The following PSMB1 variants were observed in gnomAD, a reference collection of about 807,000 sequenced individuals.
PSMB1 encodes the protein proteasome subunit beta type-1.
Under a neutral mutation model 25.4 loss-of-function variants are expected in PSMB1, and 7 were observed. The observed-to-expected ratio is 0.28, with a 90% confidence interval of 0.16 to 0.52. The LOEUF (loss-of-function observed/expected upper bound fraction) is 0.52, where lower values mean the gene tolerates loss of function less well. Among genes scored for constraint, PSMB1 ranks in the 20% least tolerant of loss-of-function variants. PSMB1 has a pLI of 0.97. For missense variants in PSMB1, 284 were observed against 302.2 expected, an observed-to-expected ratio of 0.94 and a Z score of 0.45; for synonymous variants, 119 against 115.0, an observed-to-expected ratio of 1.03 and a Z score of -0.22.
chr6:170,541,661 T>C (rs943220426), intron 4 of PSMB1, among the ~76,000 whole-genome samples: 11 of 152,308 alleles, frequency 7.2e-5, no homozygotes, highest in Non-Finnish European at 1.2e-4. Flanking sequence ...AATTCCTCTA[T>C]AAAATAAAAA....
chr6:170,536,540 C>T, intron 5 of PSMB1: 1 of 454,484 alleles, frequency 2.2e-6, no homozygotes, highest in Non-Finnish European at 4.4e-6. Context: ...TTGTCCACCA[C>T]TCCAGACAGA....
At chr6:170,536,159 CTG>C (rs1387167527) in intron 5 of PSMB1, 10 of 315,302 alleles carry the variant, frequency 3.2e-5, no homozygotes, top group Non-Finnish European at 6.3e-5. Flanking sequence ...AGTAAACACA[CTG>C]AGAAGTTTTT....
rs370933887 is a variant in PSMB1 at position 170,549,058 on chromosome 6, A to G, written c.169T>C (p.Leu57=). ...DFAIVASDTR[L]SEGFSIHTRD... ...GTATGAATTGAAAACCCTTCACTCAATCGAGTATCAGAAGCAACAATTGCA... is the reference window on the plus strand; with the variant it reads ...GTATGAATTGAAAACCCTTCACTCAGTCGAGTATCAGAAGCAACAATTGCA... Residue 57 remains leucine (L), a synonymous_variant, in exon 2 of 6, where the codon TTG becomes CTG. Transcript: ENST00000262193. 3 of 1,613,978 alleles carry G rather than the reference A, an allele frequency of 1.9e-6. No homozygotes were observed. Among genetic ancestry groups the G allele is most frequent in the Non-Finnish European group, 2.5e-6 (3 of 1,179,908 alleles).
At chr6:170,548,227 AGGAGG>A (rs1778846738) in intron 2 of PSMB1, among the ~76,000 whole-genome samples, 1 of 152,228 alleles carries the variant, frequency 6.6e-6, no homozygotes, top group Admixed American at 6.5e-5. Context: ...CTACAATACA[AGGAGG>A]GTCCATCCAA....
At chr6:170,543,973 G>A (rs1778786318) in intron 3 of PSMB1, among the ~76,000 whole-genome samples, 1 of 152,120 alleles carries the variant, frequency 6.6e-6, no homozygotes, top group Non-Finnish European at 1.5e-5. Context: ...CTCAGGTACT[G>A]CTAATCCAAG....
chr6:170,537,414 T>A, intron 4 of PSMB1, 74 bp from the exon 5 acceptor site: 2 of 1,227,864 alleles, frequency 1.6e-6, no homozygotes, highest in East Asian at 4.8e-5. Context: ...ATAAATCAGG[T>A]CAAAACGTGA....
In PSMB1 at chr6:170,537,238, T is replaced by C. The variant is rs1484485932; in HGVS notation, c.536A>G (p.Asn179Ser). ...ASAMLQPLLD[N>S]QVGFKNMQNV... ...ACCTGGACACAGTATCATTACCTGG[T>C]TGTCAAGCAGGGGCTGTAGCATGGC... The change falls in exon 5 of 6, where the codon AAC becomes AGC. Residue 179 changes from asparagine to serine, a missense_variant. Transcript: ENST00000262193. 3 of 1,612,860 alleles carry C rather than the reference T, an allele frequency of 1.9e-6. No individual in the cohort carries two copies. Among genetic ancestry groups the C allele is most frequent in the African/African-American group, 1.3e-5 (1 of 74,908 alleles).
At chr6:170,553,014 G>A (rs1047322562) in intron 1 of PSMB1, 116 bp downstream of exon 1, 15 of 842,338 alleles carry the variant, frequency 1.8e-5, no homozygotes, top group Middle Eastern at 2.8e-4. Context: ...CCTCAGCTCA[G>A]GGTTCTGAGG....
intron 1 of PSMB1, among the ~76,000 whole-genome samples, chr6:170,552,012 A>T (rs1398603725): frequency 6.6e-6 from 1 of 152,260 alleles, no homozygotes; most frequent in Non-Finnish European, 1.5e-5. Flanking sequence ...TATCTTTCTA[A>T]CACACTCCCA....
intron 5 of PSMB1, among the ~76,000 whole-genome samples, chr6:170,535,979 G>A (rs528362487): frequency 5.9e-5 from 9 of 152,330 alleles, no homozygotes; most frequent in African/African-American, 2.2e-4. Context: ...GGAGGAATTA[G>A]GGAAGTAAAC....
chr6:170,535,409 G>A lies in PSMB1; in HGVS notation c.541-4C>T, dbSNP rs375109354. 84 of 1,610,252 alleles carry A rather than the reference G, an allele frequency of 5.2e-5. No individual in the cohort carries two copies. Among genetic ancestry groups the A allele is most frequent in the Non-Finnish European group, 7.1e-5 (84 of 1,177,962 alleles). On this transcript the variant is annotated splice_region_variant and splice_polypyrimidine_tract_variant and intron_variant, in intron 5 of 5. Coordinates refer to ENST00000262193, the MANE Select transcript of PSMB1 (RefSeq NM_002793.4). ...TCTGCATGTTCTTAAAACCAACCTG[G>A]TGGGACATGAAACTTGGGTGAGATG...
chr6:170,544,996 TAGAC>T (rs1327651726), intron 3 of PSMB1, among the ~76,000 whole-genome samples: 1 of 151,632 alleles, frequency 6.6e-6, no homozygotes, highest in East Asian at 1.9e-4. Context: ...ATACAAAAAT[TAGAC>T]AGGGGTGGTG....
chr6:170,540,203 GGA>G lies in PSMB1; in HGVS notation c.434-2865_434-2864del, dbSNP rs746088326. Among the ~76,000 whole-genome samples the G allele has an allele frequency of 2.5e-3, 382 of 152,226 alleles. 1 individual carries two copies. The highest frequency in any genetic ancestry group is 4.3e-3 in the Non-Finnish European group (291 of 68,012). On this transcript the variant is annotated intron_variant, in intron 4 of 5. Transcript: ENST00000262193. ...CTTGCTGTCCTGAAGGTTTCAATAT[GGA>G]GCACTGCTCTCCAGGTCCCTGCATC... is the stretch of plus-strand genomic sequence containing the variant.
At chr6:170,548,435 T>C (rs1401034312) in intron 2 of PSMB1, among the ~76,000 whole-genome samples, 1 of 152,104 alleles carries the variant, frequency 6.6e-6, no homozygotes, top group African/African-American at 2.4e-5. Context: ...AGGAAAAACA[T>C]AGCTAGCCTA....
intron 4 of PSMB1, among the ~76,000 whole-genome samples, chr6:170,541,271 A>T (rs1170861219): frequency 1.3e-5 from 2 of 152,200 alleles, no homozygotes; most frequent in Non-Finnish European, 2.9e-5. Context: ...ACTGACAAAA[A>T]GTTTAAAGAA....
At chr6:170,552,817 A>G (rs1245980596) in intron 1 of PSMB1, among the ~76,000 whole-genome samples, 1 of 152,254 alleles carries the variant, frequency 6.6e-6, no homozygotes, top group Non-Finnish European at 1.5e-5. Context: ...TTTCTACTTT[A>G]CTGTCTTACA....
chr6:170,536,375 AG>A (rs1046708345), intron 5 of PSMB1: 54 of 449,026 alleles, frequency 1.2e-4, no homozygotes, highest in African/African-American at 9.6e-4. Flanking sequence ...CATTGTGTTT[AG>A]TGCGATTATT....
At chr6:170,537,154 G>A in intron 5 of PSMB1, 80 bp downstream of exon 5, 1 of 1,078,362 alleles carries the variant, frequency 9.3e-7, no homozygotes, top group Non-Finnish European at 1.4e-6. Flanking sequence ...TAATGAAGAG[G>A]AGAACTTGGA....
At chr6:170,541,368 G>A (rs558442318) in intron 4 of PSMB1, among the ~76,000 whole-genome samples, 7 of 152,218 alleles carry the variant, frequency 4.6e-5, no homozygotes, top group East Asian at 1.9e-4. Context: ...GCTACTTGGC[G>A]CAACAAAGAT....
Sources: allele counts gnomAD v4.1 joint callset (sites outside exome capture counted in the v4.1 genomes callset), GRCh38; gene constraint gnomAD v4.1.1; transcripts MANE v1.5; gene names NCBI Gene and HGNC (gene_info 2026-07-23, HGNC 2026-07-21).